The following MSANTD2 variants were observed in gnomAD, a reference collection of about 807,000 sequenced individuals.
MSANTD2 encodes the protein myb/SANT-like DNA-binding domain-containing protein 2.
MSANTD2 carries 19 observed loss-of-function variants against 52.6 expected under a neutral mutation model. The ratio of observed to expected loss-of-function variants is 0.36; its 90% confidence interval spans 0.25 to 0.53. The LOEUF (loss-of-function observed/expected upper bound fraction) is 0.53. Ranked by LOEUF, MSANTD2 falls within the 20% of genes least tolerant of loss-of-function variation. MSANTD2 has a pLI of 0.91. For synonymous variants in MSANTD2, 291 were observed against 289.7 expected, an observed-to-expected ratio of 1.00 and a Z score of -0.04; for missense variants, 558 against 716.3, an observed-to-expected ratio of 0.78 and a Z score of 2.52.
chr11:124,799,562 C>A (rs2135281525), intron 1 of MSANTD2, among the ~76,000 whole-genome samples: 1 of 152,278 alleles, frequency 6.6e-6, no homozygotes, highest in Admixed American at 6.5e-5. Flanking sequence ...GAGGCGCCAG[C>A]GGCACGGGGA....
In MSANTD2 at chr11:124,774,612, A is replaced by G; in HGVS notation, c.766+107T>C. 4.3e-6 allele frequency: 5 copies of G among 1,161,244 alleles called. No individual in the cohort carries two copies. The allele number at this position is 1,161,244 out of a possible 1,614,324, so 71.9% of individuals were successfully genotyped here. A position where few individuals can be genotyped will look rare whatever the true frequency, so the allele number is the denominator to read the frequency against. ...CCCTTTATGCCTTATGCTGACCACT[A>G]TAGGGAACAGTACCAAAGATATTTA... On this transcript the variant is annotated intron_variant, in intron 2 of 3. Coordinates refer to ENST00000374979, the MANE Select transcript of MSANTD2 (RefSeq NM_001308027.2). The surrounding 1 kb of genome is among the most constrained non-coding windows in gnomAD (Gnocchi z 5.1).
intron 1 of MSANTD2, chr11:124,784,295 C>T (rs1050491248): frequency 2.0e-6 from 2 of 985,326 alleles, no homozygotes; most frequent in Non-Finnish European, 2.4e-6. Context: ...TGGGGGACTA[C>T]ATCAAAGAGG....
At chr11:124,799,846 T>C (rs374989489) in intron 1 of MSANTD2, 25 bp downstream of exon 1, 2 of 1,545,498 alleles carry the variant, frequency 1.3e-6, no homozygotes, top group African/African-American at 1.4e-5. Context: ...TCTGGTTCGC[T>C]GCCCCAGGCC....
Position 124,800,135 on chromosome 11 carries a change from G to A in MSANTD2, c.246C>T (p.Phe82=). Residue 82 remains phenylalanine (F), a synonymous_variant, in exon 1 of 4, where the codon TTC becomes TTT. Coordinates refer to ENST00000374979, the MANE Select transcript of MSANTD2 (RefSeq NM_001308027.2). This position sits in a 1 kb window ranked among gnomAD's most constrained non-coding sequence, Gnocchi z 4.3. Reference sequence around the variant, plus strand: ...CCCCGCCACCGCCGCCACCAGGGGAGAAGGAGACCGAGGACGAGGCGGCGC... The same window carrying A: ...CCCCGCCACCGCCGCCACCAGGGGAAAAGGAGACCGAGGACGAGGCGGCGC... ...GRSAASSSVS[F]SPGGGGGGAA... is the part of the protein sequence containing the mutation. 18 of 1,481,750 alleles carry A rather than the reference G, an allele frequency of 1.2e-5. No individual in the cohort carries two copies. Among genetic ancestry groups the A allele is most frequent in the Non-Finnish European group, 1.5e-5 (17 of 1,124,758 alleles). 91.8% of individuals were successfully genotyped at this position (1,481,750 alleles called of 1,614,324 possible).
chr11:124,782,196 C>T (rs1248139046), intron 1 of MSANTD2, among the ~76,000 whole-genome samples: 1 of 152,026 alleles, frequency 6.6e-6, no homozygotes. Flanking sequence ...GCCTATAATT[C>T]CAGTACTCTG....
chr11:124,793,471 C>A (rs1461756558), intron 1 of MSANTD2, among the ~76,000 whole-genome samples: 2 of 152,124 alleles, frequency 1.3e-5, no homozygotes, highest in Admixed American at 6.5e-5. Flanking sequence ...TTTGGGAGTA[C>A]ACAAGCAAAA....
At chr11:124,786,023 A>G (rs1305048122) in intron 1 of MSANTD2, among the ~76,000 whole-genome samples, 3 of 151,016 alleles carry the variant, frequency 2.0e-5, no homozygotes, top group African/African-American at 7.3e-5. Flanking sequence ...GGAAGCTCAT[A>G]GCTCATTTTA....
rs1457723425 is a variant in MSANTD2 at position 124,767,205 on chromosome 11, T to C, written c.1651A>G (p.Ile551Val). The C allele has an allele frequency of 1.4e-5, 22 of 1,610,502 alleles. No individual in the cohort carries two copies. In the Admixed American group the frequency reaches 2.0e-4, roughly 15 times the overall value. Residue 551 changes from isoleucine (I) to valine (V), a missense_variant, in exon 4 of 4, where the codon ATT becomes GTT. Physicochemically the swap from Ile to Val is conservative, Grantham distance 29. This residue lies in a region of MSANTD2 where 408 missense variants were observed against 573.6 expected (regional missense o/e 0.71). Coordinates refer to ENST00000374979, the MANE Select transcript of MSANTD2 (RefSeq NM_001308027.2). This position sits in a 1 kb window ranked among gnomAD's most constrained non-coding sequence, Gnocchi z 6.5. ...GSLVECLEKA[I>V]GYPLKFNN ...TTGTTAAATTTTAAGGGGTATCCAA[T>C]GGCTTTTTCCAGGCACTCAACTAAA...
intron 2 of MSANTD2, among the ~76,000 whole-genome samples, chr11:124,773,950 T>G (rs117541904): frequency 2.2e-3 from 333 of 152,308 alleles, no homozygotes; most frequent in Non-Finnish European, 4.0e-3. Flanking sequence ...CTCCAAATTA[T>G]GAAATCAAAT....
At chr11:124,795,752 T>C (rs925392278) in intron 1 of MSANTD2, among the ~76,000 whole-genome samples, 1 of 152,106 alleles carries the variant, frequency 6.6e-6, no homozygotes, top group African/African-American at 2.4e-5. Context: ...GCCCTCCACA[T>C]AGTAAGCACT....
intron 1 of MSANTD2, 81 bp downstream of exon 1, chr11:124,799,790 G>T (rs1945627793): frequency 9.2e-7 from 1 of 1,084,544 alleles, no homozygotes. Context: ...CCTGCCCTCA[G>T]ACCGGCCCCC....
At chr11:124,770,303 T>A (rs1412364581) in intron 3 of MSANTD2, among the ~76,000 whole-genome samples, 1 of 135,358 alleles carries the variant, frequency 7.4e-6, no homozygotes, top group African/African-American at 3.7e-5. Flanking sequence ...ACTCTTTTTT[T>A]TTGTTTGTTT....
At chr11:124,784,566 T>C (rs1416482664) in intron 1 of MSANTD2, 3 of 985,172 alleles carry the variant, frequency 3.0e-6, no homozygotes, top group African/African-American at 1.7e-5. Context: ...GGTGTTTCCA[T>C]TCATGAGACC....
intron 1 of MSANTD2, among the ~76,000 whole-genome samples, chr11:124,776,855 G>A (rs1339405358): frequency 6.6e-6 from 1 of 152,192 alleles, no homozygotes; most frequent in Non-Finnish European, 1.5e-5. Context: ...CTCAAATGAT[G>A]CCTTAGAGAA....
At chr11:124,786,072 C>T (rs573129318) in intron 1 of MSANTD2, among the ~76,000 whole-genome samples, 1 of 146,456 alleles carries the variant, frequency 6.8e-6, no homozygotes, top group South Asian at 2.2e-4. Flanking sequence ...TAGGTTACTG[C>T]TATTTGCCCT....
At chr11:124,797,766 C>T (rs1945540148) in intron 1 of MSANTD2, among the ~76,000 whole-genome samples, 1 of 152,104 alleles carries the variant, frequency 6.6e-6, no homozygotes, top group East Asian at 1.9e-4. Flanking sequence ...CCCAAAATAC[C>T]CTAAGAGCTT....
chr11:124,790,817 T>G (rs976046572), intron 1 of MSANTD2: 36 of 170,204 alleles, frequency 2.1e-4, no homozygotes, highest in African/African-American at 7.2e-4. Flanking sequence ...TCACCCTTTA[T>G]CTCAAAGCTT....
intron 1 of MSANTD2, among the ~76,000 whole-genome samples, chr11:124,787,500 C>G (rs1945198333): frequency 6.6e-6 from 1 of 152,198 alleles, no homozygotes; most frequent in Non-Finnish European, 1.5e-5. Context: ...TCTGCCTCAG[C>G]CTCCCGAGTA....
intron 1 of MSANTD2, chr11:124,789,498 A>G (rs1945264768): frequency 6.6e-6 from 1 of 152,232 alleles, no homozygotes; most frequent in Non-Finnish European, 1.5e-5. Context: ...GAATACAGCC[A>G]AGAACACACA....
Sources: gnomAD v4.1 joint callset for allele counts (sites outside exome capture counted in the v4.1 genomes callset) on GRCh38, gnomAD v4.1.1 for gene constraint, gnomAD v4.1.1 regional missense constraint, Gnocchi (gnomAD v3.1) non-coding constraint, MANE v1.5 for transcripts, NCBI Gene and HGNC (gene_info 2026-07-23, HGNC 2026-07-21) for gene names.